CADPS2: variants seen among roughly 807,000 people sequenced by gnomAD.
CADPS2 encodes calcium dependent secretion activator 2.
A neutral mutation model predicts 172.5 loss-of-function variants in CADPS2; 93 were observed. That is an observed-to-expected ratio of 0.54 (90% CI 0.46 to 0.64). The LOEUF is 0.64. Ranked by LOEUF, CADPS2 falls within the 30% of genes least tolerant of loss-of-function variation. CADPS2 has a pLI of 0.00. For missense variants in CADPS2, 1,420 were observed against 1,565.9 expected, an observed-to-expected ratio of 0.91 and a Z score of 1.57; for synonymous variants, 546 against 555.2, an observed-to-expected ratio of 0.98 and a Z score of 0.23.
intron 27 of CADPS2, among the ~76,000 whole-genome samples, chr7:122,348,948 C>T (rs752127346): frequency 2.0e-5 from 3 of 152,116 alleles, no homozygotes; most frequent in Non-Finnish European, 2.9e-5. Flanking sequence ...CTCCCATGTG[C>T]TAAGACTCTG....
At chr7:122,651,958 C>T (rs2135002277) in intron 3 of CADPS2, among the ~76,000 whole-genome samples, 1 of 152,286 alleles carries the variant, frequency 6.6e-6, no homozygotes, top group East Asian at 1.9e-4. Context: ...ATCTCAAATA[C>T]AGCCCCATCT....
chr7:122,406,150 C>T lies in CADPS2; in HGVS notation c.2746+1390G>A, dbSNP rs374941404. On this transcript the variant is annotated intron_variant, in intron 20 of 29. Coordinates refer to ENST00000449022, the MANE Select transcript of CADPS2 (RefSeq NM_017954.11). ...GAAAGTACAATATTACAAATGATTT[C>T]ATGTCTATGTGATTTCCCCCCCACC... Among the ~76,000 whole-genome samples the T allele has an allele frequency of 3.3e-5, 5 of 152,278 alleles. 1 individual carries two copies. Among genetic ancestry groups the T allele is most frequent in the Admixed American group, 2.0e-4 (3 of 15,300 alleles).
chr7:122,682,549 A>G (rs1055656690), intron 2 of CADPS2, among the ~76,000 whole-genome samples: 6 of 152,222 alleles, frequency 3.9e-5, no homozygotes, highest in African/African-American at 7.2e-5. Context: ...GCCTCATAAT[A>G]TATCTAATGT....
At chr7:122,708,241 C>T (rs1273654812) in intron 2 of CADPS2, among the ~76,000 whole-genome samples, 1 of 151,596 alleles carries the variant, frequency 6.6e-6, no homozygotes, top group African/African-American at 2.4e-5. Context: ...ATATCTACCA[C>T]ATCATAGGTT....
At chr7:122,847,600 T>A (rs1278092490) in intron 1 of CADPS2, among the ~76,000 whole-genome samples, 1 of 152,084 alleles carries the variant, frequency 6.6e-6, no homozygotes, top group African/African-American at 2.4e-5. Flanking sequence ...TACTTAGATT[T>A]TTTTTTTTCT....
intron 15 of CADPS2, among the ~76,000 whole-genome samples, chr7:122,446,973 T>A (rs573702222): frequency 3.9e-5 from 6 of 152,100 alleles, no homozygotes; most frequent in Admixed American, 2.0e-4. Context: ...TAAATTGTTT[T>A]GGGTGGGAGG....
intron 1 of CADPS2, among the ~76,000 whole-genome samples, chr7:122,741,051 T>A (rs1257226150): frequency 2.0e-5 from 3 of 152,156 alleles, no homozygotes. Flanking sequence ...ATTTACCACA[T>A]AATTCTTAAT....
At chr7:122,740,834 C>T (rs1057039086) in intron 1 of CADPS2, among the ~76,000 whole-genome samples, 1 of 151,672 alleles carries the variant, frequency 6.6e-6, no homozygotes, top group Non-Finnish European at 1.5e-5. Flanking sequence ...ATAAATAAAC[C>T]AACAGAAAAA....
intron 11 of CADPS2, among the ~76,000 whole-genome samples, chr7:122,487,370 T>C (rs1384647387): frequency 6.6e-6 from 1 of 152,184 alleles, no homozygotes; most frequent in Non-Finnish European, 1.5e-5. Context: ...TTTATTGAGA[T>C]ATTCATCTTA....
Position 122,404,714 on chromosome 7 carries a change from G to T in CADPS2, c.2746+2826C>A, listed in dbSNP as rs1010682318. ...CTGGTGTGAGATGGTATCTCATTGT[G>T]GTTTTGATTTGCATTTCTCTGATGA... is the stretch of plus-strand genomic sequence containing the variant. On this transcript the variant is annotated intron_variant, in intron 20 of 29. Coordinates refer to ENST00000449022, the MANE Select transcript of CADPS2 (RefSeq NM_017954.11). 2.6e-5 allele frequency among the ~76,000 whole-genome samples: 4 copies of T among 152,208 alleles called. No individual in the cohort carries two copies. In the South Asian group the frequency reaches 8.3e-4, roughly 32 times the overall value.
intron 7 of CADPS2, among the ~76,000 whole-genome samples, chr7:122,577,677 G>A (rs1305550570): frequency 6.6e-6 from 1 of 152,042 alleles, no homozygotes; most frequent in Non-Finnish European, 1.5e-5. Context: ...AAATATCTAG[G>A]AGTACAATTT....
intron 3 of CADPS2, among the ~76,000 whole-genome samples, chr7:122,640,027 C>G (rs192799905): frequency 1.3e-5 from 2 of 152,128 alleles, no homozygotes; most frequent in African/African-American, 4.8e-5. Flanking sequence ...ATTAACAAGC[C>G]CAGAATAGAA....
At chr7:122,534,021 C>T (rs756453805) in intron 8 of CADPS2, among the ~76,000 whole-genome samples, 3 of 152,134 alleles carry the variant, frequency 2.0e-5, no homozygotes, top group Non-Finnish European at 2.9e-5. Flanking sequence ...TAGCTACTAA[C>T]ATGCACCCAA....
At chr7:122,778,342 T>C (rs2093947522) in intron 1 of CADPS2, among the ~76,000 whole-genome samples, 1 of 152,052 alleles carries the variant, frequency 6.6e-6, no homozygotes, top group Non-Finnish European at 1.5e-5. Context: ...AACATAAAAG[T>C]TTGGAAAACT....
chr7:122,364,527 C>G (rs186202849), intron 25 of CADPS2, among the ~76,000 whole-genome samples: 3 of 151,292 alleles, frequency 2.0e-5, no homozygotes, highest in African/African-American at 4.9e-5. Context: ...GAGATCGAGA[C>G]CATCCTGGCT....
At chr7:122,833,192 A>G (rs955115957) in intron 1 of CADPS2, among the ~76,000 whole-genome samples, 1 of 152,228 alleles carries the variant, frequency 6.6e-6, no homozygotes, top group Admixed American at 6.5e-5. Flanking sequence ...ACAGGTGATT[A>G]CAGAATTCAA....
rs141589516 is a variant in CADPS2 at position 122,771,813 on chromosome 7, G to T, written c.340-34745C>A. Among the ~76,000 whole-genome samples the T allele has an allele frequency of 8.5e-5, 13 of 152,236 alleles. No homozygotes were observed. In the East Asian group the frequency reaches 2.5e-3, roughly 29 times the overall value. On this transcript the variant is annotated intron_variant, in intron 1 of 29. Transcript: ENST00000449022. ...GTAAGGCTAAAAAAGAGAAACTGTGGGTACCTGACAACAGTCCAAGCTGGA... is the reference window on the plus strand; with the variant it reads ...GTAAGGCTAAAAAAGAGAAACTGTGTGTACCTGACAACAGTCCAAGCTGGA...
intron 8 of CADPS2, among the ~76,000 whole-genome samples, chr7:122,530,283 T>C (rs1472892673): frequency 6.7e-6 from 1 of 148,722 alleles, no homozygotes; most frequent in Non-Finnish European, 1.5e-5. Context: ...AGCTTTGAAA[T>C]AAGAAAAGGT....
intron 1 of CADPS2, among the ~76,000 whole-genome samples, chr7:122,878,126 C>T (rs140149864): frequency 0.017 from 2,561 of 151,516 alleles, 77 homozygotes; most frequent in African/African-American, 0.059. Flanking sequence ...CGTGGTGGTA[C>T]GTGCCTGTAA....
Sources: allele counts gnomAD v4.1 joint callset (sites outside exome capture counted in the v4.1 genomes callset), GRCh38; gene constraint gnomAD v4.1.1; transcripts MANE v1.5; gene names NCBI Gene and HGNC (gene_info 2026-07-23, HGNC 2026-07-21).